Variants in PTK2 observed in about 807,000 individuals in gnomAD.
PTK2 encodes focal adhesion kinase 1.
Under a neutral mutation model 150.1 loss-of-function variants are expected in PTK2, and 45 were observed. The observed-to-expected ratio is 0.30, with a 90% CI of 0.24 to 0.38. The LOEUF (loss-of-function observed/expected upper bound fraction) is 0.38, where lower values mean the gene tolerates loss of function less well. PTK2 is among the 10% of genes least tolerant of loss of function. The pLI is 1.00. For missense variants in PTK2, 919 were observed against 1,307.3 expected (o/e 0.70, Z 4.58); for synonymous variants, 432 against 449.2 (o/e 0.96, Z 0.48).
At chr8:140,729,288 C>T (rs559664430) in intron 22 of PTK2, among the ~76,000 whole-genome samples, 3 of 152,294 alleles carry the variant, frequency 2.0e-5, no homozygotes, top group South Asian at 4.1e-4. Context: ...CAACACCCCC[C>T]AGCTGGAGTG....
intron 8 of PTK2, among the ~76,000 whole-genome samples, chr8:140,826,510 T>A (rs903574492): frequency 1.3e-5 from 2 of 152,184 alleles, no homozygotes; most frequent in Non-Finnish European, 2.9e-5. Flanking sequence ...AAGAACCGTA[T>A]TTATGAGCCA....
At chr8:140,829,434 T>C (rs1251262934) in intron 8 of PTK2, among the ~76,000 whole-genome samples, 3 of 152,342 alleles carry the variant, frequency 2.0e-5, no homozygotes, top group Admixed American at 2.0e-4. Context: ...TCCGGCCCAA[T>C]GATAATCAAC....
rs77356002 is a variant in PTK2, at chr8:140,864,689, A to C, written c.363-290T>G. ...TTCTCCACCACTGCTCAGGGGAAGAACTGCCCTGACTTCTAACATCTTCCA... is the reference window on the plus strand; with the variant it reads ...TTCTCCACCACTGCTCAGGGGAAGACCTGCCCTGACTTCTAACATCTTCCA... On this transcript the variant is annotated intron_variant, in intron 4 of 31. Transcript: ENST00000522684. 5.3e-5 allele frequency among the ~76,000 whole-genome samples: 8 copies of C among 152,314 alleles called. No individual in the cohort carries two copies. In the East Asian group the frequency reaches 1.5e-3, roughly 29 times the overall value.
intron 22 of PTK2, among the ~76,000 whole-genome samples, chr8:140,731,811 GA>G (rs777036653): frequency 6.6e-6 from 1 of 152,182 alleles, no homozygotes; most frequent in Non-Finnish European, 1.5e-5. Context: ...GCTAAGGTGG[GA>G]GAATCACTTG....
intron 1 of PTK2, among the ~76,000 whole-genome samples, chr8:140,967,996 C>A (rs2100185915): frequency 1.3e-5 from 2 of 152,282 alleles, no homozygotes; most frequent in South Asian, 4.1e-4. Flanking sequence ...ATCACCAGAG[C>A]AAACAAAAGC....
At chr8:140,822,653 A>C (rs552979758) in intron 8 of PTK2, among the ~76,000 whole-genome samples, 105 of 152,236 alleles carry the variant, frequency 6.9e-4, no homozygotes, top group Admixed American at 1.2e-3. Context: ...AGAAACAACC[A>C]CCACATCCCT....
Position 140,877,692 on chromosome 8 carries a change from T to C in PTK2, c.362+1779A>G, listed in dbSNP as rs146650416. On this transcript the variant is annotated intron_variant, in intron 4 of 31. Transcript: ENST00000522684. ...TCATTAGTATTATTATGAGCAGTAG[T>C]ATCCCGATCACCCTTTCATCTAGTA... Among the ~76,000 whole-genome samples, 214 of 152,116 alleles carry C rather than the reference T, an allele frequency of 1.4e-3. 5 individuals carry two copies. The South Asian group carries it at 0.042, about 30-fold the overall frequency.
Position 140,831,040 on chromosome 8 carries a change from C to T in PTK2, c.594-514G>A, listed in dbSNP as rs557235616. 9.2e-5 allele frequency among the ~76,000 whole-genome samples: 14 copies of T among 152,264 alleles called. No homozygotes were observed. In the East Asian group the frequency reaches 2.7e-3, roughly 29 times the overall value. ...CTTTTTTGATTAAGTGACTCATTCA[C>T]TTGTCTCAGTTTCACATTAGGAAAA... On this transcript the variant is annotated intron_variant, in intron 7 of 31. Transcript: ENST00000522684.
At position 140,860,921 on chromosome 8, in the gene PTK2, A is replaced by G. The variant is rs79908121; in HGVS notation, c.450+3391T>C. ...TCACCAATGGGAAAGGAATGTGACC[A>G]TGACTATACTTTCTTTTAAAATGTA... is the stretch of plus-strand genomic sequence containing the variant. On this transcript the variant is annotated intron_variant, in intron 5 of 31. Transcript: ENST00000522684. Among the ~76,000 whole-genome samples, 51 of 152,366 alleles carry G rather than the reference A, an allele frequency of 3.3e-4. No individual in the cohort carries two copies. In the East Asian group the frequency reaches 7.5e-3, roughly 22 times the overall value.
At chr8:140,999,992 T>G (rs2100199355) in intron 1 of PTK2, among the ~76,000 whole-genome samples, 1 of 144,712 alleles carries the variant, frequency 6.9e-6, no homozygotes, top group African/African-American at 2.6e-5. Context: ...TATGCAAGAA[T>G]GAGACACTGT....
chr8:140,964,170 C>T (rs2154609466), intron 1 of PTK2, among the ~76,000 whole-genome samples: 1 of 152,272 alleles, frequency 6.6e-6, no homozygotes, highest in South Asian at 2.1e-4. Context: ...TGTGGATGCA[C>T]CACCCTATGC....
chr8:140,953,445 C>T (rs900015121), intron 1 of PTK2, among the ~76,000 whole-genome samples: 2 of 152,178 alleles, frequency 1.3e-5, no homozygotes, highest in African/African-American at 4.8e-5. Flanking sequence ...GACAGCTGAC[C>T]TAACTCAGAT....
chr8:140,820,704 A>G (rs1483918505), intron 8 of PTK2: 1 of 151,956 alleles, frequency 6.6e-6, no homozygotes, highest in Non-Finnish European at 1.5e-5. Context: ...TTGTGAGAGG[A>G]GCAGTTTGGT....
chr8:140,717,148 G>A (rs1471821052), intron 23 of PTK2, among the ~76,000 whole-genome samples: 3 of 152,114 alleles, frequency 2.0e-5, no homozygotes, highest in Non-Finnish European at 4.4e-5. Context: ...GAAAGAAAAA[G>A]GCAAAAAATG....
rs565046225 is a variant in PTK2, at chr8:140,881,240, G to A, written c.196-1603C>T. ...CCTACACAAGGATATCCAGCTGAGG[G>A]TGAAAAGAGTCCACGTTCTAGTCTT... On this transcript the variant is annotated intron_variant, in intron 3 of 31. Transcript: ENST00000522684. Among the ~76,000 whole-genome samples, 5 of 152,330 alleles carry A rather than the reference G, an allele frequency of 3.3e-5. No individual in the cohort carries two copies. The South Asian group carries it at 1.0e-3, about 32-fold the overall frequency.
At chr8:140,772,979 G>A (rs953804784) in intron 14 of PTK2, among the ~76,000 whole-genome samples, 1 of 152,182 alleles carries the variant, frequency 6.6e-6, no homozygotes, top group African/African-American at 2.4e-5. Context: ...GTAAAATGGG[G>A]TTATAACAGA....
chr8:140,717,502 A>C, intron 23 of PTK2, 96 bp downstream of exon 26: 1 of 918,128 alleles, frequency 1.1e-6, no homozygotes, highest in South Asian at 1.4e-5. Context: ...GAATAACCTG[A>C]TATTTGACTT....
intron 4 of PTK2, among the ~76,000 whole-genome samples, chr8:140,878,074 A>C (rs2100146758): frequency 6.6e-6 from 1 of 151,898 alleles, no homozygotes; most frequent in Non-Finnish European, 1.5e-5. Context: ...CAACACAAAA[A>C]CCCTGCAGGT....
At chr8:140,917,343 A>G (rs1477595875) in intron 2 of PTK2, among the ~76,000 whole-genome samples, 60 of 151,850 alleles carry the variant, frequency 4.0e-4, no homozygotes. Context: ...CTCTGCCAGG[A>G]AAGGACAGGA....
Sources: gnomAD v4.1 joint callset for allele counts (sites outside exome capture counted in the v4.1 genomes callset) on GRCh38, gnomAD v4.1.1 for gene constraint, MANE v1.5 for transcripts, NCBI Gene and HGNC (gene_info 2026-07-23, HGNC 2026-07-21) for gene names.